Variants in POLR3A observed in about 807,000 individuals in gnomAD.
POLR3A encodes DNA-directed RNA polymerase III subunit RPC1.
In POLR3A, 112 loss-of-function variants were observed where a neutral mutation model predicts 152.8. The observed-to-expected ratio is 0.73, with a 90% confidence interval of 0.63 to 0.86. The LOEUF is 0.86. POLR3A is among the 40% of genes least tolerant of loss of function. POLR3A has a pLI of 0.00. For missense variants in POLR3A, 1,385 were observed against 1,743.1 expected (o/e 0.79, Z 3.66); for synonymous variants, 615 against 652.1 (o/e 0.94, Z 0.87).
intron 8 of POLR3A, 154 bp from the exon 9 acceptor site, chr10:78,019,419 T>C (rs1164464437): frequency 1.7e-5 from 11 of 653,268 alleles, no homozygotes; most frequent in Non-Finnish European, 3.0e-5. Flanking sequence ...TTGAGTATAA[T>C]GTGAACAACA....
chr10:78,015,189 T>C (rs577639084), intron 10 of POLR3A, among the ~76,000 whole-genome samples: 1 of 152,236 alleles, frequency 6.6e-6, no homozygotes, highest in African/African-American at 2.4e-5. Flanking sequence ...TATTGAAAAA[T>C]GACACAGATA....
At chr10:77,991,196 G>A in intron 20 of POLR3A, 29 bp from the exon 21 acceptor site, 1 of 1,302,148 alleles carries the variant, frequency 7.7e-7, no homozygotes, top group South Asian at 1.2e-5. Flanking sequence ...ATTGCATTAT[G>A]TGTGGGTGCC....
intron 14 of POLR3A, among the ~76,000 whole-genome samples, chr10:78,008,979 C>G (rs1847437188): frequency 6.6e-6 from 1 of 151,430 alleles, no homozygotes; most frequent in Admixed American, 6.6e-5. Flanking sequence ...ACGGTGAAAC[C>G]CCGTCTCTAC....
chr10:78,024,381 A>G (rs1219805186), intron 5 of POLR3A, among the ~76,000 whole-genome samples, 168 bp downstream of exon 5: 1 of 151,918 alleles, frequency 6.6e-6, no homozygotes, highest in Non-Finnish European at 1.5e-5. Flanking sequence ...AAAAAAAAAA[A>G]AAAAAAAAGG....
intron 8 of POLR3A, chr10:78,020,255 G>A (rs1386169336): frequency 1.3e-5 from 2 of 151,924 alleles, no homozygotes; most frequent in Admixed American, 1.3e-4. Context: ...GGAGGCTAAG[G>A]TGGGATGATC....
At chr10:77,994,893 G>C (rs1193652314) in intron 19 of POLR3A, among the ~76,000 whole-genome samples, 1 of 152,138 alleles carries the variant, frequency 6.6e-6, no homozygotes, top group Admixed American at 6.5e-5. Context: ...AGGAAAAAAT[G>C]TTAAGGGCAG....
intron 11 of POLR3A, chr10:78,013,400 G>GA: frequency 2.0e-6 from 1 of 504,870 alleles, no homozygotes; most frequent in South Asian, 2.2e-5. Context: ...TTATAGGCCA[G>GA]AAAATCCCCT....
At chr10:77,993,438 C>T in intron 19 of POLR3A, 71 bp from the exon 20 acceptor site, 2 of 1,169,854 alleles carry the variant, frequency 1.7e-6, no homozygotes, top group Admixed American at 1.7e-5. Flanking sequence ...ATAAGATTTG[C>T]AACTCAAGAG....
chr10:77,991,143 G>T lies in POLR3A; in HGVS notation c.2812C>A (p.Pro938Thr). 5 of 1,611,830 alleles carry T rather than the reference G, an allele frequency of 3.1e-6. No homozygotes were observed. Among genetic ancestry groups the T allele is most frequent in the Non-Finnish European group, 4.2e-6 (5 of 1,177,954 alleles). The stretch of plus-strand genomic sequence containing the variant: ...ATCAGCTCGTTTTTGCTGAGAGCAG[G>T]CTCACTGGGACACGGGAAGACTGCC... The part of the protein sequence containing the change: ...IKAVFPCPSE[P>T]ALSKNELILT... Residue 938 changes from proline to threonine, a missense_variant, in exon 21 of 31, where the codon CCT becomes ACT. By Grantham distance (38) the Pro-to-Thr change is conservative. This residue lies in a region of POLR3A where 178 missense variants were observed against 204.6 expected (regional missense o/e 0.87). Coordinates refer to ENST00000372371, the MANE Select transcript of POLR3A (RefSeq NM_007055.4).
intron 2 of POLR3A, 109 bp downstream of exon 2, chr10:78,025,983 AGG>A: frequency 7.3e-7 from 1 of 1,367,172 alleles, no homozygotes; most frequent in Non-Finnish European, 1.0e-6. Context: ...TAATATGTGC[AGG>A]GGGGAATTGA....
Position 77,994,176 on chromosome 10 carries a change from T to C in POLR3A, c.2617-809A>G, listed in dbSNP as rs181657908. ...TCCCACACTGAAGGGCAATTTCCCA[T>C]TGAAAGATGATTAATTGTATTCCAT... On this transcript the variant is annotated intron_variant, in intron 19 of 30. Transcript: ENST00000372371. Among the ~76,000 whole-genome samples, 876 of 152,204 alleles carry C rather than the reference T, an allele frequency of 5.8e-3. 4 individuals carry two copies. The highest frequency in any genetic ancestry group is 9.3e-3 in the Non-Finnish European group (634 of 68,004).
chr10:78,006,029 T>A (rs146894710), intron 15 of POLR3A, among the ~76,000 whole-genome samples: 1 of 152,012 alleles, frequency 6.6e-6, no homozygotes, highest in Non-Finnish European at 1.5e-5. Context: ...GAAGCAAATA[T>A]AATAAAACTA....
At chr10:78,005,004 G>A in intron 15 of POLR3A, 116 bp from the exon 16 acceptor site, 2 of 803,504 alleles carry the variant, frequency 2.5e-6, no homozygotes, top group South Asian at 2.9e-5. Context: ...TGTATGTATA[G>A]TTTAAAGTAT....
intron 15 of POLR3A, among the ~76,000 whole-genome samples, chr10:78,005,401 C>T (rs1847401248): frequency 6.6e-6 from 1 of 152,222 alleles, no homozygotes; most frequent in Non-Finnish European, 1.5e-5. Flanking sequence ...GAGCCATAAT[C>T]ACATCACTGC....
chr10:78,011,348 A>G (rs1847464881), intron 11 of POLR3A, among the ~76,000 whole-genome samples: 1 of 152,158 alleles, frequency 6.6e-6, no homozygotes, highest in Non-Finnish European at 1.5e-5. Context: ...ATGAGGGCCT[A>G]CGTTGGGCAA....
chr10:77,982,929 C>T, intron 26 of POLR3A, 112 bp from the exon 27 acceptor site: 1 of 845,452 alleles, frequency 1.2e-6, no homozygotes, highest in Non-Finnish European at 2.0e-6. Flanking sequence ...GCACCCCCCA[C>T]CCGCACCATG....
rs1331216655 is a variant in POLR3A, at chr10:77,977,520, C to G, written c.4131G>C (p.Leu1377=). ...DRDPNPPKRP[L]IFDTNEFHIP... is the part of the protein sequence containing the mutation. ...TGTGGAATTCATTTGTGTCGAAGAT[C>G]AGGGGCCTCTTGGGAGGGTTCGGGT... The change falls in exon 31 of 31, where the codon CTG becomes CTC. Residue 1377 remains leucine (L), a synonymous_variant. Transcript: ENST00000372371. The G allele has an allele frequency of 6.2e-7, 1 of 1,614,084 alleles. No individual in the cohort carries two copies. The highest frequency in any genetic ancestry group is 1.1e-5 in the South Asian group (1 of 91,080).
chr10:77,999,219 AGCACACCAACATG>A lies in POLR3A; in HGVS notation c.2616+749_2616+761del, dbSNP rs1405792842. Among the ~76,000 whole-genome samples, 4 of 152,330 alleles carry A rather than the reference AGCACACCAACATG, an allele frequency of 2.6e-5. No homozygotes were observed. In the East Asian group the frequency reaches 7.7e-4, roughly 29 times the overall value. ...TAATGCTAAATGAGTTAATGGGTACAGCACACCAACATGGCACATGTATACATATGTAACAAAC... is the reference window on the plus strand; with the variant it reads ...TAATGCTAAATGAGTTAATGGGTACAGCACATGTATACATATGTAACAAAC... On this transcript the variant is annotated intron_variant, in intron 19 of 30. Transcript: ENST00000372371.
intron 10 of POLR3A, among the ~76,000 whole-genome samples, chr10:78,014,485 C>T (rs911072700): frequency 5.3e-4 from 80 of 152,184 alleles, no homozygotes; most frequent in African/African-American, 1.9e-3. Flanking sequence ...GGTGCAATCT[C>T]GGCTCACTGC....
Sources: gnomAD v4.1 joint callset for allele counts (sites outside exome capture counted in the v4.1 genomes callset) on GRCh38, gnomAD v4.1.1 for gene constraint, gnomAD v4.1.1 regional missense constraint, MANE v1.5 for transcripts, NCBI Gene and HGNC (gene_info 2026-07-23, HGNC 2026-07-21) for gene names.